NALCN: variants seen among roughly 807,000 people sequenced by gnomAD.
NALCN encodes sodium leak channel, non-selective.
NALCN carries 111 observed loss-of-function variants against 225.3 expected under a neutral mutation model. That is an observed-to-expected ratio of 0.49 (90% CI 0.42 to 0.58). The LOEUF is 0.58. Among genes scored for constraint, NALCN ranks in the 20% least tolerant of loss-of-function variants. The pLI is 0.00. For synonymous variants in NALCN, 764 were observed against 769.0 expected, an observed-to-expected ratio of 0.99 and a Z score of 0.11; for missense variants, 1,378 against 2,202.4, an observed-to-expected ratio of 0.63 and a Z score of 7.49.
At chr13:101,175,442 G>A (rs1399500434) in intron 15 of NALCN, among the ~76,000 whole-genome samples, 1 of 152,088 alleles carries the variant, frequency 6.6e-6, no homozygotes, top group African/African-American at 2.4e-5. Flanking sequence ...TGGAGGGCCT[G>A]CTTATAATTC....
At chr13:101,364,617 A>G (rs2046332591) in intron 6 of NALCN, among the ~76,000 whole-genome samples, 1 of 152,134 alleles carries the variant, frequency 6.6e-6, no homozygotes, top group Non-Finnish European at 1.5e-5. Flanking sequence ...AAGGTTGGTG[A>G]ATGGGTACAA....
At position 101,390,351 on chromosome 13, in the gene NALCN, CAG is replaced by C. The variant is rs1307627191; in HGVS notation, c.291+4830_291+4831del. 2.0e-5 allele frequency among the ~76,000 whole-genome samples: 3 copies of C among 151,744 alleles called. No individual in the cohort carries two copies. In the East Asian group the frequency reaches 5.8e-4, roughly 29 times the overall value. On this transcript the variant is annotated intron_variant, in intron 3 of 43. Coordinates refer to ENST00000251127, the MANE Select transcript of NALCN (RefSeq NM_052867.4). ...GTATTTGAGAAAGAGGAGTGAAATA[CAG>C]GGGACAGAGGAGTGAGGGGACAGCA...
chr13:101,388,249 T>C (rs1296978514), intron 3 of NALCN, among the ~76,000 whole-genome samples: 1 of 152,142 alleles, frequency 6.6e-6, no homozygotes, highest in African/African-American at 2.4e-5. Context: ...CATTTAAACA[T>C]AGAATACCAG....
At chr13:101,110,821 C>A (rs2035388264) in intron 19 of NALCN, 133 bp from the exon 20 acceptor site, 1 of 906,768 alleles carries the variant, frequency 1.1e-6, no homozygotes, top group South Asian at 1.5e-5. Flanking sequence ...CTTTTCATAG[C>A]AGAAGCTTAT....
chr13:101,244,114 A>T (rs1419565015), intron 11 of NALCN, among the ~76,000 whole-genome samples: 2 of 152,152 alleles, frequency 1.3e-5, no homozygotes, highest in African/African-American at 4.8e-5. Flanking sequence ...GGAAGCAGTA[A>T]TAGGCATTCA....
At chr13:101,200,578 G>A (rs946035629) in intron 13 of NALCN, among the ~76,000 whole-genome samples, 5 of 152,138 alleles carry the variant, frequency 3.3e-5, no homozygotes, top group African/African-American at 1.2e-4. Context: ...TTTGTTCCTA[G>A]CACCCCTTAA....
intron 27 of NALCN, among the ~76,000 whole-genome samples, chr13:101,098,502 A>G (rs1055189996): frequency 2.6e-5 from 4 of 152,120 alleles, no homozygotes; most frequent in African/African-American, 7.2e-5. Flanking sequence ...ATCTATATCT[A>G]TATTGATCTC....
At chr13:101,346,620 T>A (rs556949653) in intron 6 of NALCN, among the ~76,000 whole-genome samples, 21 of 152,214 alleles carry the variant, frequency 1.4e-4, no homozygotes, top group African/African-American at 4.1e-4. Context: ...AATATAAGAA[T>A]CCTTTAGGTG....
chr13:101,234,828 TCTATCTA>T (rs2041487431), intron 12 of NALCN, among the ~76,000 whole-genome samples: 1 of 139,092 alleles, frequency 7.2e-6, no homozygotes, highest in South Asian at 2.4e-4. Flanking sequence ...CTACTATCTA[TCTATCTA>T]CTATCTATCT....
intron 11 of NALCN, among the ~76,000 whole-genome samples, chr13:101,241,513 G>A (rs1395484842): frequency 6.6e-6 from 1 of 152,030 alleles, no homozygotes; most frequent in Non-Finnish European, 1.5e-5. Context: ...ATCAGTCTTA[G>A]CTCACTGGGA....
At chr13:101,192,655 C>T (rs555169373) in intron 13 of NALCN, among the ~76,000 whole-genome samples, 14 of 149,094 alleles carry the variant, frequency 9.4e-5, no homozygotes, top group Admixed American at 7.4e-4. Context: ...ATGGAAGAAG[C>T]CAAGACCAAA....
intron 10 of NALCN, among the ~76,000 whole-genome samples, chr13:101,269,674 A>G (rs1482441054): frequency 6.6e-6 from 1 of 152,178 alleles, no homozygotes; most frequent in Non-Finnish European, 1.5e-5. Context: ...ATGATCTCCT[A>G]TTCCAGGAAG....
intron 7 of NALCN, among the ~76,000 whole-genome samples, chr13:101,299,836 TA>T (rs1255072480): frequency 3.3e-5 from 5 of 151,984 alleles, no homozygotes; most frequent in Admixed American, 6.6e-5. Context: ...AGCCACATAT[TA>T]AAAAAAATTT....
chr13:101,320,590 C>T (rs2044710619), intron 7 of NALCN, among the ~76,000 whole-genome samples: 1 of 152,084 alleles, frequency 6.6e-6, no homozygotes, highest in African/African-American at 2.4e-5. Flanking sequence ...AAAAAAGACT[C>T]TATTTTTATA....
chr13:101,289,619 C>T (rs1251496833), intron 9 of NALCN, among the ~76,000 whole-genome samples: 1 of 151,578 alleles, frequency 6.6e-6, no homozygotes, highest in African/African-American at 2.4e-5. Context: ...GTCCAACAAG[C>T]CCAGGACCCT....
chr13:101,325,474 C>A (rs976311717), intron 7 of NALCN, among the ~76,000 whole-genome samples: 1 of 152,202 alleles, frequency 6.6e-6, no homozygotes, highest in Non-Finnish European at 1.5e-5. Context: ...TTACACAAAA[C>A]AGCCAGCTGC....
At chr13:101,080,057 T>C (rs2033525150) in intron 34 of NALCN, among the ~76,000 whole-genome samples, 1 of 152,234 alleles carries the variant, frequency 6.6e-6, no homozygotes, top group Admixed American at 6.5e-5. Context: ...TTGTATAATC[T>C]TTCTAGTTCA....
intron 13 of NALCN, among the ~76,000 whole-genome samples, chr13:101,216,339 A>G (rs1283489871): frequency 1.3e-5 from 2 of 152,124 alleles, no homozygotes; most frequent in African/African-American, 2.4e-5. Context: ...TGATGTCCAT[A>G]TATGCATTAA....
rs532378159 is a variant in NALCN, at chr13:101,120,241, C to T, written c.2192+4367G>A. ...GGGTCCCCCCTGAGAACTAAGACCC[C>T]TGGCAGCTCTCCAGCTTAATTTCCA... On this transcript the variant is annotated intron_variant, in intron 18 of 43. Coordinates refer to ENST00000251127, the MANE Select transcript of NALCN (RefSeq NM_052867.4). Among the ~76,000 whole-genome samples, 5 of 152,310 alleles carry T rather than the reference C, an allele frequency of 3.3e-5. No homozygotes were observed. The South Asian group carries it at 1.0e-3, about 32-fold the overall frequency.
Sources: allele counts gnomAD v4.1 joint callset (sites outside exome capture counted in the v4.1 genomes callset), GRCh38; gene constraint gnomAD v4.1.1; transcripts MANE v1.5; gene names NCBI Gene and HGNC (gene_info 2026-07-23, HGNC 2026-07-21).